The following DNM3 variants were observed in gnomAD, a reference collection of about 807,000 sequenced individuals.
DNM3 encodes the protein dynamin 3.
Under a neutral mutation model 101.6 loss-of-function variants are expected in DNM3, and 47 were observed. The ratio of observed to expected loss-of-function variants is 0.46; its 90% CI spans 0.37 to 0.59. DNM3 has a LOEUF of 0.59. DNM3 is among the 20% of genes least tolerant of loss of function. DNM3 has a pLI of 0.00. For missense variants in DNM3, 849 were observed against 1,085.7 expected (o/e 0.78, Z 3.06); for synonymous variants, 385 against 387.9 (o/e 0.99, Z 0.09).
intron 17 of DNM3, among the ~76,000 whole-genome samples, chr1:172,323,935 G>A (rs1184751314): frequency 6.6e-6 from 1 of 152,060 alleles, no homozygotes; most frequent in African/African-American, 2.4e-5. Flanking sequence ...TGCAGGGGGT[G>A]GCCAAAATGT....
At chr1:172,007,348 G>A (rs1008855234) in intron 4 of DNM3, among the ~76,000 whole-genome samples, 13 of 152,158 alleles carry the variant, frequency 8.5e-5, no homozygotes, top group African/African-American at 2.9e-4. Flanking sequence ...ATGTCTGTGA[G>A]GCAGCATTGA....
At chr1:172,377,893 T>TA (rs2068694792) in intron 17 of DNM3, among the ~76,000 whole-genome samples, 1 of 152,020 alleles carries the variant, frequency 6.6e-6, no homozygotes, top group Non-Finnish European at 1.5e-5. Flanking sequence ...GGCCCATCAA[T>TA]ATGCTTTTCA....
intron 14 of DNM3, among the ~76,000 whole-genome samples, chr1:172,189,492 A>G (rs1407873049): frequency 6.6e-6 from 1 of 152,060 alleles, no homozygotes; most frequent in Non-Finnish European, 1.5e-5. Flanking sequence ...TGAACATGGA[A>G]TTTCCCACCA....
In DNM3 at chr1:172,078,292, T is replaced by C. The variant is rs576446601; in HGVS notation, c.1423-3540T>C. ...TATTTTTAGTAGAGATAGGGTTTCA[T>C]CATATTAGCCAGGATGTTCTCTATC... On this transcript the variant is annotated intron_variant, in intron 11 of 20. Coordinates refer to ENST00000627582, the MANE Select transcript of DNM3 (RefSeq NM_015569.5). Among the ~76,000 whole-genome samples, 6 of 152,202 alleles carry C rather than the reference T, an allele frequency of 3.9e-5. No homozygotes were observed. The East Asian group carries it at 1.2e-3, about 29-fold the overall frequency.
chr1:172,386,291 G>A (rs1015499653), intron 18 of DNM3, among the ~76,000 whole-genome samples: 1 of 150,614 alleles, frequency 6.6e-6, no homozygotes, highest in African/African-American at 2.5e-5. Context: ...ACATATGATA[G>A]TAGTGTTTCT....
At chr1:172,068,726 A>C in intron 10 of DNM3, 93 bp from the exon 11 acceptor site, 1 of 1,139,872 alleles carries the variant, frequency 8.8e-7, no homozygotes, top group Non-Finnish European at 1.3e-6. Flanking sequence ...ATGGCAATGA[A>C]TATCTTCTGT....
intron 15 of DNM3, among the ~76,000 whole-genome samples, chr1:172,267,019 T>G (rs1238131292): frequency 6.6e-6 from 1 of 152,202 alleles, no homozygotes; most frequent in African/African-American, 2.4e-5. Context: ...CACTCAGGCA[T>G]GAGTAGTGTT....
intron 1 of DNM3, among the ~76,000 whole-genome samples, chr1:171,861,163 C>T (rs1055647032): frequency 1.3e-5 from 2 of 152,066 alleles, no homozygotes; most frequent in African/African-American, 4.8e-5. Flanking sequence ...GTTAAAATGG[C>T]AACACACCTC....
At chr1:172,360,008 CAGAT>C (rs1330855346) in intron 17 of DNM3, among the ~76,000 whole-genome samples, 1 of 151,946 alleles carries the variant, frequency 6.6e-6, no homozygotes, top group Non-Finnish European at 1.5e-5. Flanking sequence ...AAAAATGCAA[CAGAT>C]AGTTTAGTCT....
chr1:171,883,363 C>CCACACACA (rs71107337), intron 1 of DNM3, among the ~76,000 whole-genome samples: 7 of 119,938 alleles, frequency 5.8e-5, no homozygotes, highest in Admixed American at 8.4e-5. Flanking sequence ...CAAAAAAGGA[C>CCACACACA]CACACACACA....
intron 4 of DNM3, among the ~76,000 whole-genome samples, chr1:172,013,921 T>C (rs1435674886): frequency 6.6e-6 from 1 of 152,118 alleles, no homozygotes; most frequent in East Asian, 1.9e-4. Flanking sequence ...ATACACTTTA[T>C]TATTTTGAGC....
chr1:171,875,800 A>G (rs1400380542), intron 1 of DNM3, among the ~76,000 whole-genome samples: 1 of 132,082 alleles, frequency 7.6e-6, no homozygotes, highest in Admixed American at 7.8e-5. Flanking sequence ...AGTCTAAAAA[A>G]AGAGTTGTCT....
intron 15 of DNM3, among the ~76,000 whole-genome samples, chr1:172,299,083 G>A (rs2586413): frequency 6.6e-6 from 1 of 152,130 alleles, no homozygotes; most frequent in Admixed American, 6.5e-5. Flanking sequence ...TCCCAAGATA[G>A]AGTAGGAATT....
chr1:171,960,037 T>C (rs1230520341), intron 2 of DNM3, among the ~76,000 whole-genome samples: 2 of 152,102 alleles, frequency 1.3e-5, no homozygotes, highest in Non-Finnish European at 2.9e-5. Context: ...TATTCAAAAA[T>C]AGGATCTTTG....
In DNM3 at chr1:172,408,649, G is replaced by A. The variant is rs954880036; in HGVS notation, c.*808G>A. ...TTTACTTATATTCACCTCATGGTAG[G>A]TTATATTGAAGGCTGACATGGAGAA... On this transcript the variant is annotated 3_prime_UTR_variant, in exon 21 of 21. Coordinates refer to ENST00000627582, the MANE Select transcript of DNM3 (RefSeq NM_015569.5). The A allele has an allele frequency of 1.0e-6, 1 of 984,968 alleles. No individual in the cohort carries two copies. Among genetic ancestry groups the A allele is most frequent in the Non-Finnish European group, 1.2e-6 (1 of 829,666 alleles). 61.0% of individuals were successfully genotyped at this position (984,968 alleles called of 1,614,324 possible).
At chr1:172,336,390 T>C (rs933681102) in intron 17 of DNM3, among the ~76,000 whole-genome samples, 1 of 151,524 alleles carries the variant, frequency 6.6e-6, no homozygotes, top group African/African-American at 2.4e-5. Context: ...TAAACATCTT[T>C]ATGCATAATT....
chr1:172,235,221 A>G (rs989427752), intron 14 of DNM3, among the ~76,000 whole-genome samples: 2 of 152,252 alleles, frequency 1.3e-5, no homozygotes, highest in African/African-American at 4.8e-5. Flanking sequence ...GAAGACATTT[A>G]TGCAGCCGAA....
At chr1:172,072,988 T>C (rs1213307363) in intron 11 of DNM3, among the ~76,000 whole-genome samples, 2 of 152,240 alleles carry the variant, frequency 1.3e-5, no homozygotes, top group African/African-American at 4.8e-5. Context: ...GTGTGTATCA[T>C]GCTAGGCTCT....
intron 14 of DNM3, among the ~76,000 whole-genome samples, chr1:172,239,739 GT>G (rs2061672528): frequency 6.8e-6 from 1 of 147,770 alleles, no homozygotes; most frequent in African/African-American, 2.5e-5. Flanking sequence ...CATTCTCTGG[GT>G]TCTTGGTTAT....
Sources: allele counts gnomAD v4.1 joint callset (sites outside exome capture counted in the v4.1 genomes callset), GRCh38; gene constraint gnomAD v4.1.1; transcripts MANE v1.5; gene names NCBI Gene and HGNC (gene_info 2026-07-23, HGNC 2026-07-21).